Variants in CDK6 observed in about 807,000 individuals in gnomAD.
The protein encoded by CDK6 is cyclin dependent kinase 6.
In CDK6, 6 loss-of-function variants were observed where a neutral mutation model predicts 37.1. The ratio of observed to expected loss-of-function variants is 0.16; its 90% CI spans 0.09 to 0.32. The LOEUF is 0.32. Among genes scored for constraint, CDK6 ranks in the 10% least tolerant of loss-of-function variants. The pLI is 1.00. For missense variants in CDK6, 224 were observed against 418.9 expected (o/e 0.53, Z 4.06); for synonymous variants, 160 against 161.3 (o/e 0.99, Z 0.06).
At chr7:92,723,144 C>A (rs912943073) in intron 4 of CDK6, among the ~76,000 whole-genome samples, 3 of 152,092 alleles carry the variant, frequency 2.0e-5, no homozygotes, top group African/African-American at 7.2e-5. Flanking sequence ...CCACTGCCCT[C>A]CAGCCTGGGC....
At chr7:92,669,006 A>G (rs1048877413) in intron 5 of CDK6, among the ~76,000 whole-genome samples, 5 of 152,232 alleles carry the variant, frequency 3.3e-5, no homozygotes, top group African/African-American at 1.2e-4. Context: ...TGAAGTGCCA[A>G]AGGATCTCTA....
At chr7:92,701,939 C>T (rs1021496517) in intron 4 of CDK6, 11 of 152,206 alleles carry the variant, frequency 7.2e-5, no homozygotes, top group Non-Finnish European at 1.3e-4. Flanking sequence ...TGAGCACATA[C>T]TCGTTGACTG....
intron 2 of CDK6, among the ~76,000 whole-genome samples, chr7:92,781,107 C>G (rs1162516921): frequency 6.6e-6 from 1 of 152,188 alleles, no homozygotes; most frequent in African/African-American, 2.4e-5. Flanking sequence ...TTCAAAAAGT[C>G]AAAGTGCAAA....
At position 92,647,434 on chromosome 7, in the gene CDK6, T is replaced by C. The variant is rs190229495; in HGVS notation, c.647+23992A>G. Among the ~76,000 whole-genome samples the C allele has an allele frequency of 1.6e-3, 237 of 151,910 alleles. 1 individual carries two copies. Among genetic ancestry groups the C allele is most frequent in the African/African-American group, 5.3e-3 (220 of 41,422 alleles). On this transcript the variant is annotated intron_variant, in intron 5 of 7. Coordinates refer to ENST00000424848, the MANE Select transcript of CDK6 (RefSeq NM_001145306.2). The stretch of plus-strand genomic sequence containing the variant: ...TGACGTGGAGCAGCCAGGAGGTGAG[T>C]TGAGGAGGTGAGTGGGCAATGCTCC...
Position 92,687,359 on chromosome 7 carries a change from G to A in CDK6, c.538-15824C>T, listed in dbSNP as rs117363987. 1.9e-3 allele frequency among the ~76,000 whole-genome samples: 287 copies of A among 152,256 alleles called. 1 individual carries two copies. Among genetic ancestry groups the A allele is most frequent in the Admixed American group, 3.9e-3 (59 of 15,286 alleles). ...ATGCTTAGTGCAATATCTGACACAC[G>A]GCAAGCATTCAATGACTATTTGTTA... On this transcript the variant is annotated intron_variant, in intron 4 of 7. Transcript: ENST00000424848.
chr7:92,752,935 T>A (rs1406031791), intron 3 of CDK6, among the ~76,000 whole-genome samples: 1 of 152,184 alleles, frequency 6.6e-6, no homozygotes, highest in Non-Finnish European at 1.5e-5. Flanking sequence ...ATACGACAGA[T>A]CCTGAAATTA....
At chr7:92,749,860 C>A (rs1799148430) in intron 3 of CDK6, among the ~76,000 whole-genome samples, 1 of 152,154 alleles carries the variant, frequency 6.6e-6, no homozygotes, top group African/African-American at 2.4e-5. Context: ...TTTGATAGTG[C>A]ATAGTGAGCA....
intron 4 of CDK6, among the ~76,000 whole-genome samples, chr7:92,702,964 C>T (rs1057343012): frequency 3.9e-5 from 6 of 152,200 alleles, no homozygotes; most frequent in African/African-American, 1.2e-4. Flanking sequence ...TCAGTAGCAA[C>T]ATCCCTCTCC....
rs2115786112 is a variant in CDK6 at position 92,774,816 on chromosome 7, G to C, written c.249C>G (p.Cys83Trp). 1 of 1,609,562 alleles carries C rather than the reference G, an allele frequency of 6.2e-7. No individual in the cohort carries two copies. Among genetic ancestry groups the C allele is most frequent in the Non-Finnish European group, 8.5e-7 (1 of 1,178,444 alleles). Residue 83 changes from cysteine to tryptophan, a missense_variant, in exon 3 of 8, where the codon TGC becomes TGG. Cys to Trp is a radical substitution (Grantham distance 215). Around this residue, in one of 5 missense-constraint regions of CDK6, gnomAD observed 82 missense variants for 202.1 expected, o/e 0.41. Coordinates refer to ENST00000424848, the MANE Select transcript of CDK6 (RefSeq NM_001145306.2). ...TTTCTCTGTCTGTTCGTGACACTGT[G>C]CACACATCAAACAACCTAGAAGAAA... ...HPNVVRLFDVCTVSRTDRETK... is the reference protein window; with the variant it reads ...HPNVVRLFDVWTVSRTDRETK...
At chr7:92,701,196 G>A (rs924531707) in intron 4 of CDK6, among the ~76,000 whole-genome samples, 5 of 152,192 alleles carry the variant, frequency 3.3e-5, no homozygotes, top group African/African-American at 4.8e-5. Context: ...GGGATCAAGC[G>A]CCCAGGTAGT....
At chr7:92,672,160 T>TATATATACAC (rs1210519115) in intron 4 of CDK6, among the ~76,000 whole-genome samples, 18 of 79,060 alleles carry the variant, frequency 2.3e-4, no homozygotes, top group East Asian at 1.6e-3. Flanking sequence ...TATATATATA[T>TATATATACAC]ACACATACAC....
At chr7:92,711,068 C>CA (rs906253672) in intron 4 of CDK6, among the ~76,000 whole-genome samples, 2 of 152,184 alleles carry the variant, frequency 1.3e-5, no homozygotes, top group African/African-American at 2.4e-5. Flanking sequence ...TTGGCATTAT[C>CA]AAATTTTTGA....
At chr7:92,769,497 CA>C (rs564795429) in intron 3 of CDK6, among the ~76,000 whole-genome samples, 94 of 152,226 alleles carry the variant, frequency 6.2e-4, no homozygotes, top group Middle Eastern at 6.8e-3. Context: ...TTGCATCAAA[CA>C]TTTTTTTTTA....
At chr7:92,651,104 G>A (rs1195782190) in intron 5 of CDK6, among the ~76,000 whole-genome samples, 1 of 152,158 alleles carries the variant, frequency 6.6e-6, no homozygotes, top group Non-Finnish European at 1.5e-5. Flanking sequence ...TGGCCAGGCT[G>A]GTCTCGATCT....
chr7:92,820,902 A>G (rs1801155552), intron 2 of CDK6, among the ~76,000 whole-genome samples: 2 of 143,088 alleles, frequency 1.4e-5, no homozygotes, highest in South Asian at 2.5e-4. Flanking sequence ...CTGGGGCAGG[A>G]GCTTTGCCTT....
chr7:92,823,809 T>C (rs1241259139), intron 2 of CDK6, among the ~76,000 whole-genome samples: 1 of 151,970 alleles, frequency 6.6e-6, no homozygotes, highest in Non-Finnish European at 1.5e-5. Flanking sequence ...ACCCTTGAAA[T>C]GCAAAGATGT....
chr7:92,635,479 CAT>C (rs1201233564), intron 5 of CDK6, among the ~76,000 whole-genome samples: 3 of 152,168 alleles, frequency 2.0e-5, no homozygotes, highest in Non-Finnish European at 4.4e-5. Context: ...TGTCGTACTC[CAT>C]ATCATGGAAG....
intron 2 of CDK6, among the ~76,000 whole-genome samples, chr7:92,806,616 T>C (rs1417459993): frequency 6.6e-6 from 1 of 152,230 alleles, no homozygotes; most frequent in Admixed American, 6.5e-5. Flanking sequence ...TGTTATAACA[T>C]GACAAAAATG....
At chr7:92,705,852 T>C (rs188544881) in intron 4 of CDK6, among the ~76,000 whole-genome samples, 5 of 152,342 alleles carry the variant, frequency 3.3e-5, no homozygotes, top group Admixed American at 2.6e-4. Context: ...TTTTCCAGAA[T>C]TGCAGGTTGA....
Sources: allele counts gnomAD v4.1 joint callset (sites outside exome capture counted in the v4.1 genomes callset), GRCh38; gene constraint gnomAD v4.1.1; regional missense constraint gnomAD v4.1.1; transcripts MANE v1.5; gene names NCBI Gene and HGNC (gene_info 2026-07-23, HGNC 2026-07-21).